The following SLC25A48 variants were observed in gnomAD, a reference collection of about 807,000 sequenced individuals.
SLC25A48 encodes CTC-321K16.1.
A neutral mutation model predicts 32.2 loss-of-function variants in SLC25A48; 29 were observed. The observed-to-expected ratio is 0.90, with a 90% CI of 0.67 to 1.23. The LOEUF is 1.23. SLC25A48 is among the 50% of genes most tolerant of loss of function. The pLI, the probability that SLC25A48 is intolerant of heterozygous loss-of-function variation, is 0.00. For missense variants in SLC25A48, 399 were observed against 422.7 expected, an observed-to-expected ratio of 0.94 and a Z score of 0.49; for synonymous variants, 164 against 172.3, an observed-to-expected ratio of 0.95 and a Z score of 0.38.
At chr5:135,723,402 ACAC>A (rs1391178754) in intron 3 of SLC25A48, among the ~76,000 whole-genome samples, 11 of 80,434 alleles carry the variant, frequency 1.4e-4, no homozygotes. Context: ...ACACACACAC[ACAC>A]ACACACACAA....
chr5:135,757,576 G>A (rs1755947149), intron 3 of SLC25A48, among the ~76,000 whole-genome samples: 1 of 149,156 alleles, frequency 6.7e-6, no homozygotes, highest in Admixed American at 6.7e-5. Context: ...TTAACACACA[G>A]TGTTATTACT....
At chr5:135,769,259 T>TG (rs1554073333) in intron 3 of SLC25A48, among the ~76,000 whole-genome samples, 2,730 of 104,218 alleles carry the variant, frequency 0.026, 49 homozygotes, top group Non-Finnish European at 0.034. Flanking sequence ...TTTGCAATAT[T>TG]GGGGGGGGAG....
At position 135,836,664 on chromosome 5, in the gene SLC25A48, C is replaced by T. The variant is rs145162592; in HGVS notation, c.46+1771C>T. ...ATCTCCTTTCTGTAAATTTGCCTTT[C>T]CTGTATATGTTATGTCAATTGAATC... is the stretch of plus-strand genomic sequence containing the variant. On this transcript the variant is annotated intron_variant, in intron 1 of 7. Transcript: ENST00000681962. 4.9e-3 allele frequency among the ~76,000 whole-genome samples: 753 copies of T among 152,254 alleles called. 3 individuals carry two copies. Among genetic ancestry groups the T allele is most frequent in the African/African-American group, 0.017 (724 of 41,548 alleles).
intron 3 of SLC25A48, among the ~76,000 whole-genome samples, chr5:135,636,982 G>T (rs1580742676): frequency 1.7e-5 from 1 of 60,416 alleles, no homozygotes; most frequent in African/African-American, 4.9e-5. Flanking sequence ...GTTACGAGTA[G>T]GGTGGAAATA....
chr5:135,856,538 G>A (rs1263580898), intron 4 of SLC25A48, among the ~76,000 whole-genome samples: 1 of 152,204 alleles, frequency 6.6e-6, no homozygotes, highest in African/African-American at 2.4e-5. Context: ...CCTTGCTGGG[G>A]TGCATGGAGG....
intron 3 of SLC25A48, among the ~76,000 whole-genome samples, chr5:135,737,604 CT>C (rs1755405373): frequency 6.6e-6 from 1 of 152,130 alleles, no homozygotes; most frequent in Admixed American, 6.6e-5. Context: ...AGATGGAAAC[CT>C]GGAAAAGCTC....
In SLC25A48 at chr5:135,614,603, G is replaced by A. The variant is rs531486745; in HGVS notation, c.-848-14634G>A. 1.4e-4 allele frequency among the ~76,000 whole-genome samples: 21 copies of A among 152,222 alleles called. 1 individual carries two copies. On this transcript the variant is annotated intron_variant, in intron 1 of 10. Transcript: ENST00000646290. Reference sequence around the variant, plus strand: ...ATAGTTTTATCCATGAAGGGATGTTGAATTTTATTAAATTATTTTCCTTCA... The same window carrying A: ...ATAGTTTTATCCATGAAGGGATGTTAAATTTTATTAAATTATTTTCCTTCA...
intron 3 of SLC25A48, among the ~76,000 whole-genome samples, chr5:135,811,101 C>A (rs1757580593): frequency 6.6e-6 from 1 of 152,128 alleles, no homozygotes; most frequent in Non-Finnish European, 1.5e-5. Flanking sequence ...GCCTCTGGAT[C>A]CCCCTGGGAG....
At chr5:135,828,820 C>T (rs1289010070) in intron 4 of SLC25A48, among the ~76,000 whole-genome samples, 2 of 152,228 alleles carry the variant, frequency 1.3e-5, no homozygotes, top group African/African-American at 2.4e-5. Context: ...CCAAGCCTTC[C>T]AGCTGCCCCT....
At chr5:135,769,378 G>T (rs933004559) in intron 3 of SLC25A48, among the ~76,000 whole-genome samples, 1 of 151,242 alleles carries the variant, frequency 6.6e-6, no homozygotes, top group Non-Finnish European at 1.5e-5. Context: ...AATATCCCAA[G>T]GAGTGAACAC....
intron 1 of SLC25A48, among the ~76,000 whole-genome samples, chr5:135,836,968 CCACCCCCCCCCCCCA>C (rs1354172632): frequency 6.4e-5 from 1 of 15,698 alleles, no homozygotes; most frequent in African/African-American, 1.6e-4. Flanking sequence ...ATCCCCCCCC[CCACCCCCCCCCCCCA>C]CACACACACA....
At chr5:135,583,181 C>CGT (rs369714430) in intron 1 of SLC25A48, among the ~76,000 whole-genome samples, 67 of 149,990 alleles carry the variant, frequency 4.5e-4, no homozygotes, top group East Asian at 3.7e-3. Context: ...AGTGTGTGTG[C>CGT]GTGTGTGTGT....
intron 2 of SLC25A48, among the ~76,000 whole-genome samples, chr5:135,847,110 T>C (rs1158061335): frequency 2.0e-5 from 3 of 152,062 alleles, no homozygotes; most frequent in African/African-American, 4.8e-5. Flanking sequence ...CCAAAATGAG[T>C]GCTCTGGACA....
chr5:135,854,261 C>T (rs1760133350), intron 4 of SLC25A48, among the ~76,000 whole-genome samples: 1 of 152,218 alleles, frequency 6.6e-6, no homozygotes, highest in African/African-American at 2.4e-5. Flanking sequence ...GCATTAGTCC[C>T]TAACAAGAGA....
At chr5:135,711,785 G>A (rs1257489043) in intron 3 of SLC25A48, among the ~76,000 whole-genome samples, 1 of 152,078 alleles carries the variant, frequency 6.6e-6, no homozygotes, top group Non-Finnish European at 1.5e-5. Context: ...CCCCATGATT[G>A]CTGATGTCTC....
intron 3 of SLC25A48, among the ~76,000 whole-genome samples, chr5:135,755,364 G>A (rs1755870755): frequency 6.6e-6 from 1 of 151,360 alleles, no homozygotes; most frequent in African/African-American, 2.4e-5. Flanking sequence ...TATCACTGTG[G>A]TATTCATCAT....
chr5:135,794,405 A>G (rs1335453940), intron 3 of SLC25A48, among the ~76,000 whole-genome samples: 1 of 151,828 alleles, frequency 6.6e-6, no homozygotes, highest in Non-Finnish European at 1.5e-5. Flanking sequence ...TGATGATATC[A>G]CTGCCAATAT....
At chr5:135,867,494 G>C (rs1016158102) in intron 4 of SLC25A48, among the ~76,000 whole-genome samples, 2 of 152,124 alleles carry the variant, frequency 1.3e-5, no homozygotes, top group African/African-American at 4.8e-5. Context: ...ATCTGCTGAG[G>C]CTCCTGGCAA....
At chr5:135,676,416 T>C (rs926308371) in intron 3 of SLC25A48, among the ~76,000 whole-genome samples, 3 of 151,972 alleles carry the variant, frequency 2.0e-5, no homozygotes, top group African/African-American at 7.2e-5. Context: ...ATTTTGTCTT[T>C]TCAAAAAACC....
Sources: gnomAD v4.1 joint callset for allele counts (sites outside exome capture counted in the v4.1 genomes callset) on GRCh38, gnomAD v4.1.1 for gene constraint, MANE v1.5 for transcripts, NCBI Gene and HGNC (gene_info 2026-07-23, HGNC 2026-07-21) for gene names.